The following AUTS2 variants were observed in gnomAD, a reference collection of about 807,000 sequenced individuals.
AUTS2 encodes the protein activator of transcription and developmental regulator AUTS2.
In AUTS2, 17 loss-of-function variants were observed where a neutral mutation model predicts 112.4. That is an observed-to-expected ratio of 0.15 (90% CI 0.10 to 0.23). The LOEUF is 0.23. AUTS2 is among the 10% of genes least tolerant of loss of function. The pLI is 1.00. For missense variants in AUTS2, 1,510 were observed against 1,701.6 expected, an observed-to-expected ratio of 0.89 and a Z score of 1.98; for synonymous variants, 751 against 702.7, an observed-to-expected ratio of 1.07 and a Z score of -1.09.
chr7:70,060,094 G>C (rs769869725), intron 2 of AUTS2, among the ~76,000 whole-genome samples: 18 of 152,136 alleles, frequency 1.2e-4, no homozygotes, highest in Admixed American at 4.6e-4. Flanking sequence ...CTATATAAAA[G>C]TAAAATTCTA....
intron 5 of AUTS2, among the ~76,000 whole-genome samples, chr7:70,674,404 T>C (rs2129544409): frequency 6.6e-6 from 1 of 152,344 alleles, no homozygotes; most frequent in South Asian, 2.1e-4. Flanking sequence ...TTAGGCGCAC[T>C]TGTCATTTGC....
chr7:70,661,160 A>C (rs4718978), intron 5 of AUTS2, among the ~76,000 whole-genome samples: 1 of 151,562 alleles, frequency 6.6e-6, no homozygotes, highest in Admixed American at 6.6e-5. Flanking sequence ...ATTACCTGAC[A>C]GGAGAAAGAA....
At chr7:70,134,435 G>T (rs1806439031) in intron 3 of AUTS2, 101 bp from the exon 4 acceptor site, 8 of 915,162 alleles carry the variant, frequency 8.7e-6, no homozygotes, top group Non-Finnish European at 1.5e-5. Context: ...ATGTGATGTG[G>T]TGATGAAAAG....
chr7:70,676,011 G>C (rs969406953), intron 5 of AUTS2, among the ~76,000 whole-genome samples: 1 of 152,220 alleles, frequency 6.6e-6, no homozygotes, highest in African/African-American at 2.4e-5. Context: ...TCATCATGCT[G>C]TAAAGGTTTC....
intron 4 of AUTS2, among the ~76,000 whole-genome samples, chr7:70,376,625 C>G (rs1793096500): frequency 6.6e-6 from 1 of 151,240 alleles, no homozygotes; most frequent in East Asian, 1.9e-4. Context: ...GAGCCCTGCT[C>G]TCCTGTGTGA....
intron 1 of AUTS2, among the ~76,000 whole-genome samples, chr7:69,607,632 A>T (rs1792802329): frequency 6.6e-6 from 1 of 152,168 alleles, no homozygotes; most frequent in Non-Finnish European, 1.5e-5. Context: ...CTTATAAATG[A>T]TCAACTACAT....
intron 2 of AUTS2, among the ~76,000 whole-genome samples, chr7:69,967,822 C>A (rs886895047): frequency 1.3e-5 from 2 of 152,194 alleles, no homozygotes; most frequent in African/African-American, 4.8e-5. Context: ...AATATGGTTT[C>A]TTTTCCCAGG....
chr7:69,745,754 T>C (rs10260553), intron 1 of AUTS2, among the ~76,000 whole-genome samples: 129,271 of 152,264 alleles, frequency 0.85, 55,127 homozygotes, highest in African/African-American at 0.93. Flanking sequence ...TTGCAGTTTG[T>C]ATGGTACATG....
At chr7:69,842,132 G>A (rs548847979) in intron 1 of AUTS2, among the ~76,000 whole-genome samples, 1 of 152,230 alleles carries the variant, frequency 6.6e-6, no homozygotes, top group South Asian at 2.1e-4. Context: ...ATGCATTTCT[G>A]TTTGAGAATG....
intron 2 of AUTS2, among the ~76,000 whole-genome samples, chr7:70,112,199 A>G (rs988236098): frequency 4.6e-5 from 7 of 151,786 alleles, no homozygotes; most frequent in South Asian, 2.1e-4. Flanking sequence ...TAATTTTTAA[A>G]TGTTGTATGT....
intron 4 of AUTS2, among the ~76,000 whole-genome samples, chr7:70,205,590 GT>G (rs1490706431): frequency 2.0e-5 from 3 of 152,180 alleles, no homozygotes; most frequent in Non-Finnish European, 4.4e-5. Flanking sequence ...TGCTGTAGAG[GT>G]TTGTAGCCTA....
intron 1 of AUTS2, among the ~76,000 whole-genome samples, chr7:69,665,268 A>T (rs1795982636): frequency 6.6e-6 from 1 of 152,162 alleles, no homozygotes; most frequent in Non-Finnish European, 1.5e-5. Context: ...GTGCTGTATA[A>T]ATTCAAGGTA....
intron 4 of AUTS2, among the ~76,000 whole-genome samples, chr7:70,384,814 A>C (rs954694801): frequency 6.6e-6 from 1 of 152,208 alleles, no homozygotes; most frequent in African/African-American, 2.4e-5. Context: ...GATCAAAGCT[A>C]TCTTTCATAT....
intron 4 of AUTS2, among the ~76,000 whole-genome samples, chr7:70,322,168 T>C (rs1231580073): frequency 6.6e-6 from 1 of 152,156 alleles, no homozygotes; most frequent in African/African-American, 2.4e-5. Flanking sequence ...TTGTGACTTT[T>C]TTTAAAGGGA....
chr7:69,970,686 C>T (rs1797813663), intron 2 of AUTS2, among the ~76,000 whole-genome samples: 2 of 152,054 alleles, frequency 1.3e-5, no homozygotes, highest in African/African-American at 4.8e-5. Flanking sequence ...TTAATGGTTC[C>T]CCTCTCCCAT....
chr7:70,436,513 C>T (rs1022900940), intron 5 of AUTS2: 2 of 152,234 alleles, frequency 1.3e-5, no homozygotes, highest in Non-Finnish European at 2.9e-5. Flanking sequence ...TTCTTTCTAG[C>T]CGTTCCAATC....
In AUTS2 at chr7:70,163,443, C is replaced by T. The variant is rs548072931; in HGVS notation, c.660+28872C>T. 3.4e-5 allele frequency among the ~76,000 whole-genome samples: 5 copies of T among 147,288 alleles called. No homozygotes were observed. In the East Asian group the frequency reaches 8.0e-4, roughly 24 times the overall value. ...AACCAGAAATTTGAAATTTAGATTT[C>T]GCTCTGTCATGCCCATTCCCCAGAC... On this transcript the variant is annotated intron_variant, in intron 4 of 18. Transcript: ENST00000342771.
At position 70,768,189 on chromosome 7, in the gene AUTS2, T is replaced by C. The variant is rs1790057572; in HGVS notation, c.1734+121T>C. The C allele has an allele frequency of 8.6e-6, 8 of 927,076 alleles. No homozygotes were observed. The South Asian group carries it at 1.2e-4, about 14-fold the overall frequency. The allele number at this position is 927,076 out of a possible 1,614,324, so 57.4% of individuals were successfully genotyped here. On this transcript the variant is annotated intron_variant, in intron 10 of 18. Coordinates refer to ENST00000342771, the MANE Select transcript of AUTS2 (RefSeq NM_015570.4). ...TCATCTTTGCAAGAGTTCCCATTGC[T>C]CCTCGCCACTTTGGATGCTTGCTTT...
chr7:70,130,124 G>T (rs1806195516), intron 3 of AUTS2, among the ~76,000 whole-genome samples: 1 of 152,092 alleles, frequency 6.6e-6, no homozygotes, highest in Non-Finnish European at 1.5e-5. Flanking sequence ...ACATGAAGGT[G>T]GGTAGCCAGG....
Sources: gnomAD v4.1 joint callset for allele counts (sites outside exome capture counted in the v4.1 genomes callset) on GRCh38, gnomAD v4.1.1 for gene constraint, MANE v1.5 for transcripts, NCBI Gene and HGNC (gene_info 2026-07-23, HGNC 2026-07-21) for gene names.